The following HELLS variants were observed in gnomAD, a reference collection of about 807,000 sequenced individuals.
HELLS encodes the protein helicase, lymphoid specific, also known as lymphoid-specific helicase.
Under a neutral mutation model 120.0 loss-of-function variants are expected in HELLS, and 32 were observed. The observed-to-expected ratio is 0.27, with a 90% CI of 0.20 to 0.36. The LOEUF (loss-of-function observed/expected upper bound fraction) is 0.36, where lower values mean the gene tolerates loss of function less well. HELLS is among the 10% of genes least tolerant of loss of function. The probability of loss-of-function intolerance (pLI) is 1.00; values close to 1 mark genes in which losing one functional copy is unlikely to be tolerated. For missense variants in HELLS, 650 were observed against 993.4 expected, an observed-to-expected ratio of 0.65 and a Z score of 4.65; for synonymous variants, 341 against 323.4, an observed-to-expected ratio of 1.05 and a Z score of -0.58.
intron 2 of HELLS, among the ~76,000 whole-genome samples, chr10:94,548,009 C>G (rs1565009347): frequency 6.6e-6 from 1 of 152,174 alleles, no homozygotes; most frequent in Non-Finnish European, 1.5e-5. Flanking sequence ...CCTGAACCAC[C>G]TTTTCTCATT....
chr10:94,580,243 G>A (rs1844802714), intron 10 of HELLS, among the ~76,000 whole-genome samples: 1 of 141,836 alleles, frequency 7.1e-6, no homozygotes, highest in Non-Finnish European at 1.5e-5. Flanking sequence ...GGAGTGCAGT[G>A]GCACGATCTC....
chr10:94,584,098 T>A (rs746621187), intron 12 of HELLS: 1 of 1,394,808 alleles, frequency 7.2e-7, no homozygotes, highest in South Asian at 1.5e-5. Context: ...AAAATACTTA[T>A]TTACTCAAGC....
intron 2 of HELLS, among the ~76,000 whole-genome samples, chr10:94,549,396 CTT>C (rs1361556275): frequency 2.0e-5 from 3 of 152,172 alleles, no homozygotes; most frequent in African/African-American, 7.2e-5. Context: ...TAGAAAATGA[CTT>C]TGACATTCAT....
At position 94,565,581 on chromosome 10, in the gene HELLS, T is replaced by C. The variant is rs567901947; in HGVS notation, c.435+2705T>C. On this transcript the variant is annotated intron_variant, in intron 6 of 21. Transcript: ENST00000348459. ...GCACATGCCTGTAATTCCAGCTACT[T>C]GGGCAGGCTGAGGCAGGAGAATTGC... 2.0e-5 allele frequency among the ~76,000 whole-genome samples: 3 copies of C among 151,856 alleles called. No homozygotes were observed. In the South Asian group the frequency reaches 6.2e-4, roughly 32 times the overall value.
rs191614500 is a variant in HELLS at position 94,595,297 on chromosome 10, C to T, written c.2248+443C>T. ...GCAGTGGGGAATTTGGGAGCCTAAA[C>T]TAAGTTGGTCACCATAGACATAAAA... On this transcript the variant is annotated intron_variant, in intron 19 of 21. Coordinates refer to ENST00000348459, the MANE Select transcript of HELLS (RefSeq NM_018063.5). Among the ~76,000 whole-genome samples the T allele has an allele frequency of 2.6e-3, 396 of 151,976 alleles. 2 individuals carry two copies. Among genetic ancestry groups the T allele is most frequent in the Non-Finnish European group, 4.2e-3 (285 of 67,974 alleles).
At chr10:94,577,951 TACTCGGG>T (rs1844590570) in intron 10 of HELLS, among the ~76,000 whole-genome samples, 1 of 151,774 alleles carries the variant, frequency 6.6e-6, no homozygotes, top group Non-Finnish European at 1.5e-5. Flanking sequence ...TAGTCCCAGC[TACTCGGG>T]AGGCTGAGGC....
intron 2 of HELLS, among the ~76,000 whole-genome samples, chr10:94,552,248 G>GTC: frequency 6.6e-6 from 1 of 152,238 alleles, no homozygotes; most frequent in South Asian, 2.1e-4. Context: ...TCAAGAGTTT[G>GTC]TATAAAATGA....
intron 13 of HELLS, among the ~76,000 whole-genome samples, chr10:94,589,161 TA>T (rs3834413): frequency 0.035 from 5,227 of 149,992 alleles, 266 homozygotes; most frequent in African/African-American, 0.11. Context: ...AAAAAATAAA[TA>T]AAAAAAAAAT....
rs115339410 is a variant in HELLS at position 94,546,152 on chromosome 10, A to G, written c.31+200A>G. Among the ~76,000 whole-genome samples the G allele has an allele frequency of 8.1e-3, 1,226 of 152,272 alleles. 16 individuals carry two copies. The highest frequency in any genetic ancestry group is 0.027 in the African/African-American group (1,105 of 41,560). ...TAGCATGCCGGTGAAGATTTCACATAGGCAACTGCATTTTCCCGAGCATCC... is the reference window on the plus strand; with the variant it reads ...TAGCATGCCGGTGAAGATTTCACATGGGCAACTGCATTTTCCCGAGCATCC... On this transcript the variant is annotated intron_variant, in intron 1 of 21. Coordinates refer to ENST00000348459, the MANE Select transcript of HELLS (RefSeq NM_018063.5).
At chr10:94,579,603 A>G (rs1220326780) in intron 10 of HELLS, among the ~76,000 whole-genome samples, 1 of 151,096 alleles carries the variant, frequency 6.6e-6, no homozygotes, top group South Asian at 2.1e-4. Context: ...GTCCTGTGGC[A>G]CGATCTCAGC....
In HELLS at chr10:94,545,947, G is replaced by T; in HGVS notation, c.26G>T (p.Ser9Ile). 1 of 1,556,160 alleles carries T rather than the reference G, an allele frequency of 6.4e-7. No homozygotes were observed. Among genetic ancestry groups the T allele is most frequent in the East Asian group, 2.4e-5 (1 of 41,512 alleles). ...ATGCCAGCGGAACGGCCCGCGGGCAGCGGCGGTGAGTGAGGAAAACCTTTT... is the reference window on the plus strand; with the variant it reads ...ATGCCAGCGGAACGGCCCGCGGGCATCGGCGGTGAGTGAGGAAAACCTTTT... Reference protein sequence around the residue: MPAERPAGSGGSEAPAMVE... With the variant: MPAERPAGIGGSEAPAMVE... Residue 9 changes from serine to isoleucine, a missense_variant, in exon 1 of 22, where the codon AGC becomes ATC. This residue lies in a region of HELLS where 90 missense variants were observed against 93.6 expected (regional missense o/e 0.96). Coordinates refer to ENST00000348459, the MANE Select transcript of HELLS (RefSeq NM_018063.5).
chr10:94,585,046 A>G (rs1845052022), intron 12 of HELLS, among the ~76,000 whole-genome samples: 2 of 152,088 alleles, frequency 1.3e-5, no homozygotes, highest in African/African-American at 2.4e-5. Context: ...TATTTTCTAT[A>G]TGAAAGAATT....
intron 2 of HELLS, among the ~76,000 whole-genome samples, chr10:94,547,481 G>T (rs188949422): frequency 3.9e-5 from 6 of 152,090 alleles, no homozygotes; most frequent in Non-Finnish European, 7.3e-5. Flanking sequence ...GAGGCCGTTG[G>T]TTCCCTGTTA....
exon 9 of HELLS, chr10:94,607,935 C>T (rs1478543599): frequency 4.6e-6 from 2 of 432,474 alleles, no homozygotes; most frequent in African/African-American, 4.1e-5. Context: ...ACCATCTTGG[C>T]CTGACTGGTC....
chr10:94,577,854 T>G (rs1280757314), intron 10 of HELLS, among the ~76,000 whole-genome samples: 3 of 151,382 alleles, frequency 2.0e-5, no homozygotes, highest in South Asian at 2.1e-4. Context: ...GAGGTCAGGA[T>G]ATCGAGACCA....
intron 18 of HELLS, among the ~76,000 whole-genome samples, chr10:94,594,396 G>A (rs1440916869): frequency 2.6e-5 from 4 of 152,220 alleles, no homozygotes; most frequent in Middle Eastern, 3.4e-3. Context: ...GTTTGCCCAC[G>A]CTGGTCTTGT....
intron 18 of HELLS, among the ~76,000 whole-genome samples, 199 bp downstream of exon 18, chr10:94,593,814 C>T (rs1321312632): frequency 6.6e-6 from 1 of 151,878 alleles, no homozygotes; most frequent in Non-Finnish European, 1.5e-5. Context: ...AGGTGTACAC[C>T]ACAATGCCTG....
At chr10:94,546,525 G>A (rs373723210) in intron 2 of HELLS, 27 bp downstream of exon 2, 7 of 1,613,184 alleles carry the variant, frequency 4.3e-6, no homozygotes, top group African/African-American at 2.7e-5. Flanking sequence ...GTTCGTCGTC[G>A]TGAAAGCCTG....
At position 94,580,141 on chromosome 10, in the gene HELLS, A is replaced by G. The variant is rs1564602417; in HGVS notation, c.1033-1185A>G. 4.9e-3 allele frequency among the ~76,000 whole-genome samples: 359 copies of G among 72,954 alleles called. 11 individuals are homozygous for G. The highest frequency in any genetic ancestry group is 0.021 in the African/African-American group (284 of 13,288). The allele number at this position is 72,954 out of a possible 152,430, so 47.9% of individuals were successfully genotyped here. Reference sequence around the variant, plus strand: ...AGTATATATATATATATATATATATATATATATATATATATATATATACAC... The same window carrying G: ...AGTATATATATATATATATATATATGTATATATATATATATATATATACAC... On this transcript the variant is annotated intron_variant, in intron 10 of 21. Transcript: ENST00000348459.
Sources: allele counts gnomAD v4.1 joint callset (sites outside exome capture counted in the v4.1 genomes callset), GRCh38; gene constraint gnomAD v4.1.1; regional missense constraint gnomAD v4.1.1; transcripts MANE v1.5; gene names NCBI Gene and HGNC (gene_info 2026-07-23, HGNC 2026-07-21).